The following DCC variants were observed in gnomAD, a reference collection of about 807,000 sequenced individuals.
DCC encodes DCC netrin 1 receptor, also known as netrin receptor DCC.
DCC carries 58 observed loss-of-function variants against 172.5 expected under a neutral mutation model. The observed-to-expected ratio is 0.34, with a 90% CI of 0.27 to 0.42. The LOEUF (loss-of-function observed/expected upper bound fraction) is 0.42, where lower values mean the gene tolerates loss of function less well. DCC is among the 10% of genes least tolerant of loss of function. The pLI, the probability that DCC is intolerant of heterozygous loss-of-function variation, is 1.00. For missense variants in DCC, 1,740 were observed against 1,791.0 expected (o/e 0.97, Z 0.51); for synonymous variants, 709 against 644.5 (o/e 1.10, Z -1.52).
At chr18:53,513,454 C>A (rs1487056261) in intron 27 of DCC, among the ~76,000 whole-genome samples, 1 of 152,210 alleles carries the variant, frequency 6.6e-6, no homozygotes, top group Non-Finnish European at 1.5e-5. Context: ...ATCAAATTCA[C>A]ACATAACAAT....
intron 11 of DCC, 65 bp from the exon 12 acceptor site, chr18:53,215,483 G>A (rs1444761677): frequency 1.6e-5 from 20 of 1,234,580 alleles, no homozygotes; most frequent in Non-Finnish European, 2.3e-5. Flanking sequence ...CTTTTTACTA[G>A]ACAGGTGGTA....
chr18:52,388,767 T>C (rs1023240881), intron 1 of DCC, among the ~76,000 whole-genome samples: 3 of 152,092 alleles, frequency 2.0e-5, no homozygotes, highest in African/African-American at 7.2e-5. Context: ...ATGTAGGGGA[T>C]GAGTATATTT....
At chr18:52,841,914 T>C (rs1598857330) in intron 2 of DCC, among the ~76,000 whole-genome samples, 2 of 152,182 alleles carry the variant, frequency 1.3e-5, no homozygotes, top group African/African-American at 4.8e-5. Context: ...GTTAATACTA[T>C]AACTGACAAC....
chr18:52,809,085 C>T (rs753073814), intron 2 of DCC, among the ~76,000 whole-genome samples: 16 of 152,126 alleles, frequency 1.1e-4, no homozygotes, highest in Non-Finnish European at 1.6e-4. Context: ...TTGACCAATT[C>T]CCTCATATCT....
At chr18:53,032,037 A>G (rs1485622881) in intron 5 of DCC, among the ~76,000 whole-genome samples, 1 of 152,158 alleles carries the variant, frequency 6.6e-6, no homozygotes, top group East Asian at 1.9e-4. Context: ...TTTGTGAAAT[A>G]TGTATATTGT....
chr18:52,575,988 C>G (rs1204056661), intron 1 of DCC, among the ~76,000 whole-genome samples: 5 of 152,150 alleles, frequency 3.3e-5, no homozygotes, highest in Non-Finnish European at 5.9e-5. Context: ...GAAGGAAGAT[C>G]TCTCTCCAGA....
rs367724845 is a variant in DCC at position 53,313,058 on chromosome 18, G to C, written c.2053+7339G>C. Among the ~76,000 whole-genome samples, 39 of 149,398 alleles carry C rather than the reference G, an allele frequency of 2.6e-4. 1 individual carries two copies. The East Asian group carries it at 7.0e-3, about 27-fold the overall frequency. On this transcript the variant is annotated intron_variant, in intron 13 of 28. Coordinates refer to ENST00000442544, the MANE Select transcript of DCC (RefSeq NM_005215.4). ...GAGGAAAGGGAAGAAGGGAGGGAAGGAAAGGGTGGAAAGGAAGGAAGGAAA... is the reference window on the plus strand; with the variant it reads ...GAGGAAAGGGAAGAAGGGAGGGAAGCAAAGGGTGGAAAGGAAGGAAGGAAA...
Position 53,504,600 on chromosome 18 carries a change from A to T in DCC, c.4111+5090A>T, listed in dbSNP as rs1414267090. Among the ~76,000 whole-genome samples the T allele has an allele frequency of 2.0e-5, 3 of 152,192 alleles. No individual in the cohort carries two copies. In the East Asian group the frequency reaches 5.8e-4, roughly 29 times the overall value. On this transcript the variant is annotated intron_variant, in intron 27 of 28. Transcript: ENST00000442544. ...GATTCGATTTGGTCTGGTCATCCTA[A>T]ATTACCATTGGTAAAATGTAATTAA...
intron 12 of DCC, among the ~76,000 whole-genome samples, chr18:53,219,594 G>A (rs570239220): frequency 6.6e-6 from 1 of 152,124 alleles, no homozygotes; most frequent in East Asian, 1.9e-4. Context: ...TTGAACACCA[G>A]ATGCATCTAT....
intron 7 of DCC, among the ~76,000 whole-genome samples, chr18:53,074,223 G>C (rs988898063): frequency 1.1e-4 from 16 of 152,214 alleles, no homozygotes; most frequent in Non-Finnish European, 2.1e-4. Context: ...TGTCCCTGGA[G>C]TTCTGTAACT....
At chr18:52,859,255 G>A (rs1045304045) in intron 2 of DCC, among the ~76,000 whole-genome samples, 2 of 152,188 alleles carry the variant, frequency 1.3e-5, no homozygotes, top group Non-Finnish European at 2.9e-5. Context: ...CTGATGCTTT[G>A]TTGAGGACTA....
intron 1 of DCC, among the ~76,000 whole-genome samples, chr18:52,377,829 C>T (rs1985417012): frequency 6.6e-6 from 1 of 151,692 alleles, no homozygotes; most frequent in African/African-American, 2.4e-5. Context: ...ACCTCAGCCA[C>T]CTGAGTTGCT....
intron 25 of DCC, among the ~76,000 whole-genome samples, chr18:53,482,974 T>A (rs1367859587): frequency 1.3e-5 from 2 of 151,918 alleles, no homozygotes; most frequent in African/African-American, 4.8e-5. Flanking sequence ...ATATATCAAG[T>A]CACTCTAAAA....
chr18:52,990,941 T>TG (rs2041379557), intron 5 of DCC, among the ~76,000 whole-genome samples: 1 of 151,442 alleles, frequency 6.6e-6, no homozygotes, highest in Non-Finnish European at 1.5e-5. Flanking sequence ...TGAAAACTCT[T>TG]GATAAGTATT....
At chr18:52,491,275 C>G (rs1462355287) in intron 1 of DCC, among the ~76,000 whole-genome samples, 4 of 152,002 alleles carry the variant, frequency 2.6e-5, no homozygotes, top group Non-Finnish European at 4.4e-5. Context: ...TTTTATCCTC[C>G]CTGATGGAAT....
intron 1 of DCC, among the ~76,000 whole-genome samples, chr18:52,377,121 T>C (rs1985382482): frequency 6.6e-6 from 1 of 152,146 alleles, no homozygotes; most frequent in Non-Finnish European, 1.5e-5. Flanking sequence ...CTTAGAAAAA[T>C]TGTATAAACA....
At chr18:52,701,057 G>T (rs2036115911) in intron 1 of DCC, among the ~76,000 whole-genome samples, 1 of 152,094 alleles carries the variant, frequency 6.6e-6, no homozygotes, top group South Asian at 2.1e-4. Flanking sequence ...AACATTGTTT[G>T]GGAAATTTTC....
At chr18:53,123,159 G>A (rs762822379) in intron 7 of DCC, among the ~76,000 whole-genome samples, 12 of 152,170 alleles carry the variant, frequency 7.9e-5, no homozygotes, top group Non-Finnish European at 1.2e-4. Context: ...AAAAATGTAT[G>A]TGCAATATGC....
intron 2 of DCC, among the ~76,000 whole-genome samples, chr18:52,812,068 T>C (rs1850510303): frequency 6.6e-6 from 1 of 152,202 alleles, no homozygotes; most frequent in Non-Finnish European, 1.5e-5. Context: ...AAAAATAATC[T>C]GGTTTTCATA....
Sources: allele counts gnomAD v4.1 joint callset (sites outside exome capture counted in the v4.1 genomes callset), GRCh38; gene constraint gnomAD v4.1.1; transcripts MANE v1.5; gene names NCBI Gene and HGNC (gene_info 2026-07-23, HGNC 2026-07-21).